Variants in MICAL3 observed in about 807,000 individuals in gnomAD.
MICAL3 encodes [F-actin]-monooxygenase MICAL3.
A neutral mutation model predicts 207.4 loss-of-function variants in MICAL3; 62 were observed. The observed-to-expected ratio is 0.30, with a 90% confidence interval of 0.24 to 0.37. The LOEUF is 0.37. MICAL3 is among the 10% of genes least tolerant of loss of function. The pLI, the probability that MICAL3 is intolerant of heterozygous loss-of-function variation, is 1.00. For synonymous variants in MICAL3, 1,077 were observed against 1,069.3 expected (o/e 1.01, Z -0.14); for missense variants, 2,368 against 2,635.6 (o/e 0.90, Z 2.22).
chr22:17,929,568 C>CTTTTTTTTTTTTTTT (rs67222681), intron 1 of MICAL3, among the ~76,000 whole-genome samples: 10 of 108,902 alleles, frequency 9.2e-5, no homozygotes, highest in East Asian at 2.5e-4. Context: ...CTTTTCTTTT[C>CTTTTTTTTTTTTTTT]TTTTTTTTTT....
chr22:17,901,963 T>G lies in MICAL3; in HGVS notation c.606A>C (p.Ala202=). 1 of 1,613,406 alleles carries G rather than the reference T, an allele frequency of 6.2e-7. No individual in the cohort carries two copies. Among genetic ancestry groups the G allele is most frequent in the Non-Finnish European group, 8.5e-7 (1 of 1,179,726 alleles). ...CAGGATGAGTCTTGGGGTGCACCAG[T>G]GCCCGCCAGCCTATCCCTGTGAACC... ...DQENERIGWR[A]LVHPKTHPVS... Residue 202 remains alanine (A), a synonymous_variant, in exon 5 of 32, where the codon GCA becomes GCC. Coordinates refer to ENST00000441493, the MANE Select transcript of MICAL3 (RefSeq NM_015241.3).
rs1256822092 is a variant in MICAL3 at position 17,790,786 on chromosome 22, G to T, written c.5955C>A (p.Asp1985Glu). 2 of 1,612,738 alleles carry T rather than the reference G, an allele frequency of 1.2e-6. No individual in the cohort carries two copies. The highest frequency in any genetic ancestry group is 1.7e-6 in the Non-Finnish European group (2 of 1,179,470). ...ACAGCATGGCAGCCTCCAGGTCCTT[G>T]TCCTCCTCTCTCTCCCGGAGCCGCT... ...EEQRLREREEDKDLEAAMLSK... is the reference protein window; with the variant it reads ...EEQRLREREEEKDLEAAMLSK... The change falls in exon 32 of 32, where the codon GAC becomes GAA. Residue 1985 changes from aspartate to glutamate, a missense_variant. Coordinates refer to ENST00000441493, the MANE Select transcript of MICAL3 (RefSeq NM_015241.3).
chr22:17,992,199 G>C (rs1271866128), intron 1 of MICAL3, among the ~76,000 whole-genome samples: 1 of 152,206 alleles, frequency 6.6e-6, no homozygotes, highest in African/African-American at 2.4e-5. Flanking sequence ...AGGGCAGCCT[G>C]CAGGCAAGGG....
At chr22:17,837,919 C>T (rs935022287) in intron 20 of MICAL3, among the ~76,000 whole-genome samples, 1 of 152,212 alleles carries the variant, frequency 6.6e-6, no homozygotes, top group Non-Finnish European at 1.5e-5. Flanking sequence ...TGGGCACAAG[C>T]GATCCTCTTG....
At chr22:17,970,882 G>A (rs1453860059) in intron 1 of MICAL3, among the ~76,000 whole-genome samples, 1 of 152,122 alleles carries the variant, frequency 6.6e-6, no homozygotes, top group African/African-American at 2.4e-5. Flanking sequence ...CCTGTGAGCT[G>A]TTAAAAAGTC....
intron 1 of MICAL3, among the ~76,000 whole-genome samples, chr22:17,964,585 A>G (rs1446463642): frequency 6.6e-6 from 1 of 152,192 alleles, no homozygotes; most frequent in African/African-American, 2.4e-5. Flanking sequence ...ATTTAAAATC[A>G]AACTCGGGCA....
chr22:17,865,775 A>T, intron 18 of MICAL3, 149 bp downstream of exon 18: 1 of 675,168 alleles, frequency 1.5e-6, no homozygotes, highest in South Asian at 1.7e-5. Flanking sequence ...TTCCCTCTCC[A>T]CCCCGGACTG....
intron 19 of MICAL3, chr22:17,861,814 C>G (rs1926542966): frequency 1.0e-6 from 1 of 985,230 alleles, no homozygotes; most frequent in Non-Finnish European, 1.2e-6. Context: ...AAACAATGCC[C>G]CCAAACACTA....
intron 20 of MICAL3, chr22:17,834,292 T>C (rs1273720489): frequency 3.4e-5 from 38 of 1,123,952 alleles, no homozygotes; most frequent in Non-Finnish European, 4.0e-5. Context: ...CAAAAGAATA[T>C]ACTGCAAGGA....
chr22:17,835,499 A>C (rs2146053365), intron 20 of MICAL3, among the ~76,000 whole-genome samples: 1 of 152,086 alleles, frequency 6.6e-6, no homozygotes, highest in East Asian at 1.9e-4. Flanking sequence ...TCACAGTGTG[A>C]ATTCAGTACC....
At chr22:17,917,464 C>A (rs559300035) in intron 1 of MICAL3, among the ~76,000 whole-genome samples, 6 of 152,128 alleles carry the variant, frequency 3.9e-5, no homozygotes, top group Non-Finnish European at 5.9e-5. Flanking sequence ...CAAATCCAAC[C>A]ACTTCTCACC....
intron 19 of MICAL3, among the ~76,000 whole-genome samples, chr22:17,851,788 C>T (rs1925366594): frequency 6.6e-6 from 1 of 152,196 alleles, no homozygotes; most frequent in South Asian, 2.1e-4. Flanking sequence ...CAGAGGACAT[C>T]AAAGTTCTGA....
chr22:17,797,802 A>G (rs896529177), intron 29 of MICAL3, among the ~76,000 whole-genome samples: 1 of 152,330 alleles, frequency 6.6e-6, no homozygotes, highest in Middle Eastern at 3.4e-3. Flanking sequence ...AACGCTAACC[A>G]CGTGGCAGCC....
chr22:17,968,824 C>T (rs1466987927), intron 1 of MICAL3, among the ~76,000 whole-genome samples: 1 of 152,110 alleles, frequency 6.6e-6, no homozygotes, highest in Non-Finnish European at 1.5e-5. Context: ...GGGCGACAAA[C>T]TTCAAACATG....
intron 16 of MICAL3, among the ~76,000 whole-genome samples, chr22:17,879,863 T>C (rs963735779): frequency 6.6e-6 from 1 of 152,156 alleles, no homozygotes; most frequent in Non-Finnish European, 1.5e-5. Context: ...TGGGAAGTGG[T>C]TCCTGAATAG....
intron 1 of MICAL3, among the ~76,000 whole-genome samples, chr22:17,959,042 GTCTCGC>G (rs1417648160): frequency 8.4e-6 from 1 of 118,580 alleles, no homozygotes; most frequent in Non-Finnish European, 1.7e-5. Context: ...TTGAGATGGA[GTCTCGC>G]TCTGTTGCCC....
intron 19 of MICAL3, among the ~76,000 whole-genome samples, chr22:17,844,877 T>A (rs1924468876): frequency 6.6e-6 from 1 of 152,048 alleles, no homozygotes; most frequent in African/African-American, 2.4e-5. Context: ...CGGCCTCAAG[T>A]TTCTCCAAAC....
In MICAL3 at chr22:17,989,491, C is replaced by T. The variant is rs368200351; in HGVS notation, c.-75+34790G>A. ...GACAGAACCCGGTACAGCAGCTCAT[C>T]AATGCTGAAGGCAACCCCAGCCTGG... On this transcript the variant is annotated intron_variant, in intron 1 of 31. Coordinates refer to ENST00000441493, the MANE Select transcript of MICAL3 (RefSeq NM_015241.3). Among the ~76,000 whole-genome samples, 67 of 152,176 alleles carry T rather than the reference C, an allele frequency of 4.4e-4. 1 individual carries two copies. The South Asian group carries it at 0.014, about 32-fold the overall frequency.
chr22:17,854,326 G>A (rs1245574111), intron 19 of MICAL3, among the ~76,000 whole-genome samples: 2 of 152,086 alleles, frequency 1.3e-5, no homozygotes, highest in African/African-American at 2.4e-5. Context: ...AGCCCAAAAC[G>A]TCCACAGTGC....
Sources: gnomAD v4.1 joint callset for allele counts (sites outside exome capture counted in the v4.1 genomes callset) on GRCh38, gnomAD v4.1.1 for gene constraint, MANE v1.5 for transcripts, NCBI Gene and HGNC (gene_info 2026-07-23, HGNC 2026-07-21) for gene names.